Variants in PTPRD observed in about 807,000 individuals in gnomAD.
The protein encoded by PTPRD is protein tyrosine phosphatase receptor type D, also known as receptor-type tyrosine-protein phosphatase delta.
PTPRD carries 34 observed loss-of-function variants against 214.5 expected under a neutral mutation model. That is an observed-to-expected ratio of 0.16 (90% CI 0.12 to 0.21). The LOEUF (loss-of-function observed/expected upper bound fraction) is 0.21, where lower values mean the gene tolerates loss of function less well. PTPRD is among the 10% of genes least tolerant of loss of function. PTPRD has a pLI of 1.00. For missense variants in PTPRD, 2,545 were observed against 2,398.7 expected, an observed-to-expected ratio of 1.06 and a Z score of -1.27; for synonymous variants, 1,128 against 845.7, an observed-to-expected ratio of 1.33 and a Z score of -5.79.
intron 9 of PTPRD, among the ~76,000 whole-genome samples, chr9:9,338,029 T>C (rs2045271420): frequency 6.6e-6 from 1 of 152,236 alleles, no homozygotes; most frequent in African/African-American, 2.4e-5. Context: ...ATGTATTTAT[T>C]CAGAAGACTT....
chr9:8,421,062 G>A (rs867637684), intron 35 of PTPRD, among the ~76,000 whole-genome samples: 110 of 152,066 alleles, frequency 7.2e-4, no homozygotes, highest in African/African-American at 2.4e-3. Flanking sequence ...CTGTTCCTCC[G>A]TCTCCAAAAG....
At chr9:9,051,543 T>A (rs976114420) in intron 10 of PTPRD, among the ~76,000 whole-genome samples, 9 of 152,112 alleles carry the variant, frequency 5.9e-5, no homozygotes, top group African/African-American at 2.2e-4. Context: ...TTTTTTAACA[T>A]AGAAATCCAG....
chr9:8,662,536 T>C lies in PTPRD; in HGVS notation c.65-25692A>G, dbSNP rs571169087. 3.9e-5 allele frequency among the ~76,000 whole-genome samples: 6 copies of C among 152,266 alleles called. No homozygotes were observed. The East Asian group carries it at 5.8e-4, about 15-fold the overall frequency. On this transcript the variant is annotated intron_variant, in intron 12 of 45. Transcript: ENST00000381196. ...TGTAGACAACTCTTCAGGGCTCTGA[T>C]ACAGCCTAGGAAAAATGGAAATTTT...
intron 14 of PTPRD, among the ~76,000 whole-genome samples, chr9:8,593,241 A>T (rs2154266612): frequency 6.6e-6 from 1 of 152,302 alleles, no homozygotes; most frequent in East Asian, 1.9e-4. Context: ...TGTGAGGTCA[A>T]ATTTTGCTAA....
intron 5 of PTPRD, among the ~76,000 whole-genome samples, chr9:9,860,378 T>C (rs2062461958): frequency 6.6e-6 from 1 of 152,232 alleles, no homozygotes. Flanking sequence ...GAAGAAATGT[T>C]TGGTTGTCTG....
At chr9:8,333,805 T>C (rs113410849) in intron 43 of PTPRD, among the ~76,000 whole-genome samples, 155 of 151,430 alleles carry the variant, frequency 1.0e-3, no homozygotes, top group African/African-American at 3.5e-3. Context: ...GAGATACACA[T>C]AGGCTCAACA....
intron 2 of PTPRD, among the ~76,000 whole-genome samples, chr9:10,440,131 T>G (rs1431411445): frequency 1.3e-5 from 2 of 151,722 alleles, no homozygotes; most frequent in East Asian, 3.9e-4. Context: ...ATTTTTACTA[T>G]TAGTAATAAC....
intron 11 of PTPRD, among the ~76,000 whole-genome samples, chr9:8,938,609 G>C (rs141859552): frequency 6.6e-6 from 1 of 151,912 alleles, no homozygotes; most frequent in African/African-American, 2.4e-5. Flanking sequence ...AAATGCCACT[G>C]TTCAATCTGA....
At chr9:10,506,664 G>C (rs191151228) in intron 2 of PTPRD, among the ~76,000 whole-genome samples, 1 of 152,058 alleles carries the variant, frequency 6.6e-6, no homozygotes, top group East Asian at 1.9e-4. Flanking sequence ...ATCTAATCCA[G>C]ACTACTACAA....
intron 8 of PTPRD, among the ~76,000 whole-genome samples, chr9:9,553,519 AT>A (rs751455354): frequency 0.017 from 2,538 of 150,152 alleles, 39 homozygotes; most frequent in Admixed American, 0.027. Context: ...AAAAACTCGG[AT>A]TTTTTTTTTC....
Position 8,421,823 on chromosome 9 carries a change from T to A in PTPRD, c.4086+14769A>T, listed in dbSNP as rs556611105. On this transcript the variant is annotated intron_variant, in intron 35 of 45. Transcript: ENST00000381196. Reference sequence around the variant, plus strand: ...AATATACCCACTTAATATTTAAATATAAAGTACATTCACTGAACTTTTTTT... The same window carrying A: ...AATATACCCACTTAATATTTAAATAAAAAGTACATTCACTGAACTTTTTTT... Among the ~76,000 whole-genome samples, 18 of 151,228 alleles carry A rather than the reference T, an allele frequency of 1.2e-4. No individual in the cohort carries two copies. In the South Asian group the frequency reaches 3.8e-3, roughly 32 times the overall value.
At chr9:8,444,784 G>C (rs1046012120) in intron 34 of PTPRD, among the ~76,000 whole-genome samples, 78 of 152,230 alleles carry the variant, frequency 5.1e-4, no homozygotes, top group African/African-American at 1.8e-3. Context: ...CTGGGACGGA[G>C]AGACTAAAGT....
At chr9:9,437,798 T>A (rs190513274) in intron 8 of PTPRD, among the ~76,000 whole-genome samples, 34 of 152,300 alleles carry the variant, frequency 2.2e-4, no homozygotes, top group Admixed American at 2.1e-3. Context: ...CGAGGGGATA[T>A]GCTGATCCCT....
chr9:9,940,892 T>C (rs1263805400), intron 4 of PTPRD, among the ~76,000 whole-genome samples: 2 of 152,282 alleles, frequency 1.3e-5, no homozygotes, highest in Non-Finnish European at 2.9e-5. Flanking sequence ...TTCTCCAGCT[T>C]TTTAATCAAG....
chr9:10,076,889 G>T (rs1362595633), intron 3 of PTPRD, among the ~76,000 whole-genome samples: 1 of 152,144 alleles, frequency 6.6e-6, no homozygotes. Flanking sequence ...CAAGACCATT[G>T]CTGTATTTGT....
chr9:8,446,825 T>C (rs1375941755), intron 34 of PTPRD, among the ~76,000 whole-genome samples: 1 of 152,190 alleles, frequency 6.6e-6, no homozygotes, highest in African/African-American at 2.4e-5. Context: ...AAGAAAACCC[T>C]TGATTCTTCG....
At chr9:9,971,269 G>C (rs528527834) in intron 4 of PTPRD, among the ~76,000 whole-genome samples, 1 of 152,142 alleles carries the variant, frequency 6.6e-6, no homozygotes, top group Non-Finnish European at 1.5e-5. Flanking sequence ...CAGCTGAACA[G>C]GTTGAAATAA....
chr9:9,858,128 G>A (rs945403992), intron 5 of PTPRD, among the ~76,000 whole-genome samples: 2 of 152,106 alleles, frequency 1.3e-5, no homozygotes, highest in African/African-American at 4.8e-5. Context: ...AGTGAATAGA[G>A]AGCCACAGGC....
intron 8 of PTPRD, among the ~76,000 whole-genome samples, chr9:9,488,159 C>A (rs1272655199): frequency 2.0e-5 from 3 of 152,074 alleles, no homozygotes. Context: ...ATATTTTTCT[C>A]CCAGTGTCAA....
Sources: allele counts gnomAD v4.1 joint callset (sites outside exome capture counted in the v4.1 genomes callset), GRCh38; gene constraint gnomAD v4.1.1; transcripts MANE v1.5; gene names NCBI Gene and HGNC (gene_info 2026-07-23, HGNC 2026-07-21).